FOXN1: variants seen among roughly 807,000 people sequenced by gnomAD.
FOXN1 encodes forkhead box N1.
A neutral mutation model predicts 49.0 loss-of-function variants in FOXN1; 15 were observed. The observed-to-expected ratio is 0.31, with a 90% CI of 0.20 to 0.47. The LOEUF (loss-of-function observed/expected upper bound fraction) is 0.47. Among genes scored for constraint, FOXN1 ranks in the 20% least tolerant of loss-of-function variants. The pLI is 1.00. For missense variants in FOXN1, 800 were observed against 842.8 expected, an observed-to-expected ratio of 0.95 and a Z score of 0.63; for synonymous variants, 356 against 369.0, an observed-to-expected ratio of 0.96 and a Z score of 0.40.
intron 1 of FOXN1, among the ~76,000 whole-genome samples, chr17:28,510,411 C>A (rs782788136): frequency 2.6e-4 from 39 of 151,974 alleles, no homozygotes; most frequent in Non-Finnish European, 4.7e-4. Flanking sequence ...CACGCACACA[C>A]ACAGAATGAG....
At chr17:28,529,360 C>G in intron 5 of FOXN1, 136 bp downstream of exon 5, 1 of 1,098,772 alleles carries the variant, frequency 9.1e-7, no homozygotes. Context: ...CCAGAAGATG[C>G]TGGAGAGAGG....
chr17:28,530,680 TG>T (rs2069889855), intron 5 of FOXN1, 68 bp from the exon 6 acceptor site: 5 of 839,242 alleles, frequency 6.0e-6, no homozygotes, highest in East Asian at 2.4e-5. Flanking sequence ...TCACCAGGGG[TG>T]GGGGGCTTGG....
chr17:28,529,070 C>T (rs750678766), intron 4 of FOXN1, 24 bp from the exon 5 acceptor site: 56 of 1,613,744 alleles, frequency 3.5e-5, no homozygotes, highest in Middle Eastern at 3.3e-4. Context: ...CATGCAATCA[C>T]TCTGCCCCTT....
At chr17:28,527,550 C>T (rs2069802207) in intron 4 of FOXN1, among the ~76,000 whole-genome samples, 189 bp downstream of exon 4, 1 of 152,198 alleles carries the variant, frequency 6.6e-6, no homozygotes, top group Non-Finnish European at 1.5e-5. Context: ...AGCAATTGCC[C>T]TCCTCCAGGG....
intron 8 of FOXN1, among the ~76,000 whole-genome samples, chr17:28,535,923 C>G (rs1000468696): frequency 2.0e-5 from 3 of 152,168 alleles, no homozygotes; most frequent in Non-Finnish European, 2.9e-5. Flanking sequence ...GGAAGAGTCT[C>G]AGAGCTGGGC....
chr17:28,526,995 A>C (rs560303935), intron 3 of FOXN1, among the ~76,000 whole-genome samples: 6 of 152,146 alleles, frequency 3.9e-5, no homozygotes, highest in Non-Finnish European at 7.3e-5. Flanking sequence ...CTGACTTCTC[A>C]GGACAGCCCA....
At position 28,529,096 on chromosome 17, in the gene FOXN1, C is replaced by T. The variant is rs1258081032; in HGVS notation, c.702C>T (p.Tyr234=). Residue 234 remains tyrosine, a splice_region_variant and synonymous_variant, in exon 5 of 9, where the codon TAC becomes TAT. Coordinates refer to ENST00000579795, the MANE Select transcript of FOXN1 (RefSeq NM_001369369.1). ...YCSSQPPFHQ[Y]SPGGGSYPIP... ...TCTGCCCCTTTTGACCTCCTCAGTA[C>T]TCGCCAGGTGGTGGCAGCTACCCCA... is the stretch of plus-strand genomic sequence containing the variant. 3 of 1,614,124 alleles carry T rather than the reference C, an allele frequency of 1.9e-6. No individual in the cohort carries two copies. Among genetic ancestry groups the T allele is most frequent in the South Asian group, 2.2e-5 (2 of 91,074 alleles).
At chr17:28,529,001 G>A in intron 4 of FOXN1, 93 bp from the exon 5 acceptor site, 1 of 1,542,450 alleles carries the variant, frequency 6.5e-7, no homozygotes. Flanking sequence ...TCTGGCCTGA[G>A]CCCCTTCTCT....
At chr17:28,510,171 G>T (rs1175505687) in intron 1 of FOXN1, among the ~76,000 whole-genome samples, 3 of 152,028 alleles carry the variant, frequency 2.0e-5, no homozygotes, top group Admixed American at 2.0e-4. Context: ...ATGCTCACAG[G>T]AGGATGCACT....
intron 1 of FOXN1, among the ~76,000 whole-genome samples, chr17:28,516,650 G>A (rs1188321093): frequency 6.7e-6 from 1 of 148,620 alleles, no homozygotes; most frequent in African/African-American, 2.5e-5. Context: ...CACCTCCACT[G>A]GGTACACACC....
rs557915556 is a variant in FOXN1 at position 28,529,063 on chromosome 17, G to T, written c.700-31G>T. The T allele has an allele frequency of 3.3e-5, 54 of 1,613,656 alleles. 1 individual carries two copies. In the South Asian group the frequency reaches 5.4e-4, roughly 16 times the overall value. ...CCTCCTGGGAAAGGCTGGGTACCAT[G>T]CAATCACTCTGCCCCTTTTGACCTC... On this transcript the variant is annotated intron_variant, in intron 4 of 8. Coordinates refer to ENST00000579795, the MANE Select transcript of FOXN1 (RefSeq NM_001369369.1).
intron 2 of FOXN1, 53 bp downstream of exon 2, chr17:28,524,145 G>T: frequency 6.5e-7 from 1 of 1,532,244 alleles, no homozygotes. Flanking sequence ...CGGCTGCCCA[G>T]GCAACAAGAA....
chr17:28,518,322 C>G (rs1268547512), intron 1 of FOXN1, among the ~76,000 whole-genome samples: 1 of 152,204 alleles, frequency 6.6e-6, no homozygotes, highest in East Asian at 1.9e-4. Flanking sequence ...AACTGAAGTA[C>G]AGAAAGGGGA....
At chr17:28,523,647 C>T (rs1345190693) in intron 1 of FOXN1, among the ~76,000 whole-genome samples, 1 of 152,172 alleles carries the variant, frequency 6.6e-6, no homozygotes, top group African/African-American at 2.4e-5. Flanking sequence ...ACTGGTCAGT[C>T]GGTCAGTCTC....
chr17:28,522,709 A>C (rs111245781), intron 1 of FOXN1, among the ~76,000 whole-genome samples: 86 of 150,216 alleles, frequency 5.7e-4, no homozygotes, highest in African/African-American at 2.0e-3. Context: ...GTGGTGGTAC[A>C]AGCCTGTAGT....
chr17:28,509,005 A>T (rs1477389154), intron 1 of FOXN1, among the ~76,000 whole-genome samples: 1 of 133,730 alleles, frequency 7.5e-6, no homozygotes, highest in Non-Finnish European at 1.6e-5. Context: ...TCCTGAGTGG[A>T]GAGGCAACCA....
intron 6 of FOXN1, among the ~76,000 whole-genome samples, 190 bp downstream of exon 6, chr17:28,531,035 G>A (rs1055350428): frequency 6.6e-6 from 1 of 152,192 alleles, no homozygotes; most frequent in African/African-American, 2.4e-5. Flanking sequence ...GCTCCAAGTG[G>A]GGAACAGAGA....
intron 1 of FOXN1, among the ~76,000 whole-genome samples, chr17:28,510,404 G>A (rs555311295): frequency 1.2e-4 from 18 of 147,874 alleles, no homozygotes; most frequent in African/African-American, 4.0e-4. Context: ...ACACGCGCAC[G>A]CACACACACA....
At chr17:28,523,362 G>C (rs2069680859) in intron 1 of FOXN1, among the ~76,000 whole-genome samples, 2 of 152,216 alleles carry the variant, frequency 1.3e-5, no homozygotes, top group African/African-American at 4.8e-5. Flanking sequence ...TGGGTCCCCA[G>C]TTACACACTG....
Sources: gnomAD v4.1 joint callset for allele counts (sites outside exome capture counted in the v4.1 genomes callset) on GRCh38, gnomAD v4.1.1 for gene constraint, MANE v1.5 for transcripts, NCBI Gene and HGNC (gene_info 2026-07-23, HGNC 2026-07-21) for gene names.